Variants in TUFT1 observed in about 807,000 individuals in gnomAD.
TUFT1 encodes the protein tuftelin 1.
TUFT1 carries 43 observed loss-of-function variants against 57.8 expected under a neutral mutation model. The ratio of observed to expected loss-of-function variants is 0.74; its 90% confidence interval spans 0.58 to 0.96. The LOEUF (loss-of-function observed/expected upper bound fraction) is 0.96. Among genes scored for constraint, TUFT1 ranks in the 40% least tolerant of loss-of-function variants. TUFT1 has a pLI of 0.00. For missense variants in TUFT1, 459 were observed against 489.0 expected, an observed-to-expected ratio of 0.94 and a Z score of 0.58; for synonymous variants, 166 against 176.7, an observed-to-expected ratio of 0.94 and a Z score of 0.48.
At chr1:151,564,411 G>T in intron 4 of TUFT1, 114 bp from the exon 5 acceptor site, 1 of 742,250 alleles carries the variant, frequency 1.3e-6, no homozygotes, top group Non-Finnish European at 2.3e-6. Flanking sequence ...GCAGCCAGTC[G>T]TTAGGACAGT....
chr1:151,566,260 C>A lies in TUFT1; in HGVS notation c.480+32C>A, dbSNP rs562482322. ...AACAGAGGACACCATGGTGGCTCCGCTTAGCCAGGGGCAGGATTGCCTCCT... is the reference window on the plus strand; with the variant it reads ...AACAGAGGACACCATGGTGGCTCCGATTAGCCAGGGGCAGGATTGCCTCCT... On this transcript the variant is annotated intron_variant, in intron 6 of 12. Coordinates refer to ENST00000368849, the MANE Select transcript of TUFT1 (RefSeq NM_020127.3). 9 of 1,590,564 alleles carry A rather than the reference C, an allele frequency of 5.7e-6. No individual in the cohort carries two copies. The African/African-American group carries it at 9.4e-5, about 17-fold the overall frequency.
intron 3 of TUFT1, among the ~76,000 whole-genome samples, chr1:151,562,950 A>G (rs574939921): frequency 6.6e-6 from 1 of 152,298 alleles, no homozygotes; most frequent in African/African-American, 2.4e-5. Flanking sequence ...TCCACTGACC[A>G]TGTTTTGCTG....
chr1:151,580,425 T>C (rs545322062), intron 11 of TUFT1, among the ~76,000 whole-genome samples: 6 of 151,428 alleles, frequency 4.0e-5, no homozygotes, highest in African/African-American at 1.5e-4. Flanking sequence ...CTTAGGGAGG[T>C]TGAGGCGGTA....
chr1:151,553,249 G>A (rs1346572979), intron 1 of TUFT1, among the ~76,000 whole-genome samples: 6 of 152,008 alleles, frequency 3.9e-5, no homozygotes, highest in Admixed American at 3.9e-4. Flanking sequence ...CTGACACCAC[G>A]CCTGGCTAAT....
rs754198910 is a variant in TUFT1, at chr1:151,548,338, C to T, written c.60+7912C>T. 1.1e-3 allele frequency among the ~76,000 whole-genome samples: 154 copies of T among 135,602 alleles called. 1 individual carries two copies. Among genetic ancestry groups the T allele is most frequent in the Non-Finnish European group, 2.0e-3 (131 of 65,426 alleles). The allele number at this position is 135,602 out of a possible 152,430, so 89.0% of individuals were successfully genotyped here. A position where few individuals can be genotyped will look rare whatever the true frequency, so the allele number is the denominator to read the frequency against. On this transcript the variant is annotated intron_variant, in intron 1 of 12. Coordinates refer to ENST00000368849, the MANE Select transcript of TUFT1 (RefSeq NM_020127.3). ...TTTTTTTTTGAGACGGAGTCTTGCT[C>T]TGTCACCAGGCTGGAGTACAGTGGC...
chr1:151,581,694 T>C lies in TUFT1; in HGVS notation c.1160T>C (p.Val387Ala). The C allele has an allele frequency of 6.2e-7, 1 of 1,614,090 alleles. No homozygotes were observed. Among genetic ancestry groups the C allele is most frequent in the Non-Finnish European group, 8.5e-7 (1 of 1,180,022 alleles). ...PSPKPMPVIR[V>A]VET ...CCGAAGCCCATGCCTGTCATCCGAG[T>C]GGTGGAAACCTGAGCTGCCTGGAGA... is the stretch of plus-strand genomic sequence containing the variant. The change falls in exon 13 of 13, where the codon GTG (valine) becomes GCG (alanine). Residue 387 changes from valine to alanine, a missense_variant. By Grantham distance (64) the Val-to-Ala change is moderately conservative. Coordinates refer to ENST00000368849, the MANE Select transcript of TUFT1 (RefSeq NM_020127.3).
chr1:151,568,917 T>G (rs953046966), intron 6 of TUFT1, among the ~76,000 whole-genome samples: 1 of 152,172 alleles, frequency 6.6e-6, no homozygotes, highest in East Asian at 1.9e-4. Flanking sequence ...GGACTTCACT[T>G]CTTCATTATC....
chr1:151,541,266 G>A (rs1665157238), intron 1 of TUFT1, among the ~76,000 whole-genome samples: 1 of 152,148 alleles, frequency 6.6e-6, no homozygotes, highest in South Asian at 2.1e-4. Context: ...GAAAGGGGGC[G>A]TTCTCCAGTG....
At chr1:151,559,397 G>A (rs980863159) in intron 1 of TUFT1, among the ~76,000 whole-genome samples, 6 of 152,210 alleles carry the variant, frequency 3.9e-5, no homozygotes, top group Admixed American at 2.0e-4. Context: ...ATGCGGGGTA[G>A]CATCTTGGAA....
intron 9 of TUFT1, among the ~76,000 whole-genome samples, chr1:151,576,271 A>G (rs1666460144): frequency 6.6e-6 from 1 of 152,168 alleles, no homozygotes; most frequent in Admixed American, 6.5e-5. Context: ...CCCAAACCCC[A>G]GGATACTCTC....
In TUFT1 at chr1:151,571,151, A is replaced by G. The variant is rs1199444887; in HGVS notation, c.594+1381A>G. ...AGGCATGCTAGGAGCTGGTAAAAAG[A>G]GAAAGGCCAGCTTGAACTCTTCATT... On this transcript the variant is annotated intron_variant, in intron 7 of 12. Transcript: ENST00000368849. Among the ~76,000 whole-genome samples the G allele has an allele frequency of 2.6e-5, 4 of 152,368 alleles. No homozygotes were observed. The East Asian group carries it at 7.7e-4, about 29-fold the overall frequency.
In TUFT1 at chr1:151,579,620, G is replaced by C. The variant is rs1227186614; in HGVS notation, c.925-29G>C. The C allele has an allele frequency of 2.5e-6, 4 of 1,612,164 alleles. No homozygotes were observed. The Admixed American group carries it at 6.7e-5, about 27-fold the overall frequency. On this transcript the variant is annotated intron_variant, in intron 10 of 12. Transcript: ENST00000368849. ...AGTGTGTAATGAGTCATTGCAAAAT[G>C]AGCTCCAGTGTCTCCCACACCTTTG...
intron 1 of TUFT1, among the ~76,000 whole-genome samples, chr1:151,544,847 ATT>A (rs1454178385): frequency 3.9e-5 from 6 of 152,120 alleles, no homozygotes; most frequent in Non-Finnish European, 8.8e-5. Context: ...GCTTACAGTG[ATT>A]TTAATTGATT....
At chr1:151,565,669 G>C (rs889959668) in intron 5 of TUFT1, among the ~76,000 whole-genome samples, 3 of 152,158 alleles carry the variant, frequency 2.0e-5, no homozygotes, top group African/African-American at 7.2e-5. Flanking sequence ...TCAGGCTTTG[G>C]GTCAGAAATA....
Position 151,580,960 on chromosome 1 carries a change from C to T in TUFT1, c.1027C>T (p.Arg343Trp), listed in dbSNP as rs777794547. The T allele has an allele frequency of 1.9e-5, 30 of 1,613,960 alleles. No individual in the cohort carries two copies. The highest frequency in any genetic ancestry group is 1.8e-5 in the Non-Finnish European group (21 of 1,180,026). ...LEAENLEMHD[R>W]MEHLIEKQIS... The stretch of plus-strand genomic sequence containing the variant: ...GTTACAGAATTTAGAGATGCATGAC[C>T]GGATGGAACACCTGATAGAAAAACA... The change falls in exon 12 of 13, where the codon CGG becomes TGG. Residue 343 changes from arginine to tryptophan, a missense_variant. Physicochemically the swap from Arg to Trp is moderately radical, Grantham distance 101. Coordinates refer to ENST00000368849, the MANE Select transcript of TUFT1 (RefSeq NM_020127.3).
intron 1 of TUFT1, among the ~76,000 whole-genome samples, chr1:151,547,445 A>G (rs1247923824): frequency 6.6e-6 from 1 of 152,102 alleles, no homozygotes; most frequent in East Asian, 1.9e-4. Flanking sequence ...CTTGTGAAAT[A>G]CCTTTGTTTT....
intron 1 of TUFT1, among the ~76,000 whole-genome samples, chr1:151,555,279 A>T (rs1322491672): frequency 6.6e-6 from 1 of 150,586 alleles, no homozygotes; most frequent in Non-Finnish European, 1.5e-5. Context: ...TGGTGAGCCA[A>T]GATTGTGCCA....
rs145044030 is a variant in TUFT1 at position 151,581,037 on chromosome 1, G to C, written c.1104G>C (p.Pro368=). ...AGGCCCGGGCCAAGACAGAGAACCC[G>C]GGCAGGTGAGTGAGCGTGTGTAGAT... The part of the protein sequence containing the change: ...STQARAKTEN[P]GSIRISKPPS... Residue 368 remains proline (P), a synonymous_variant, in exon 12 of 13, where the codon CCG becomes CCC. Transcript: ENST00000368849. The C allele has an allele frequency of 1.2e-6, 2 of 1,613,942 alleles. No individual in the cohort carries two copies. Among genetic ancestry groups the C allele is most frequent in the African/African-American group, 2.7e-5 (2 of 74,920 alleles).
intron 1 of TUFT1, among the ~76,000 whole-genome samples, chr1:151,548,358 A>C (rs1334365686): frequency 1.4e-5 from 2 of 143,744 alleles, no homozygotes; most frequent in Non-Finnish European, 3.0e-5. Flanking sequence ...GCTGGAGTAC[A>C]GTGGCCCAAT....
Sources: allele counts gnomAD v4.1 joint callset (sites outside exome capture counted in the v4.1 genomes callset), GRCh38; gene constraint gnomAD v4.1.1; transcripts MANE v1.5; gene names NCBI Gene and HGNC (gene_info 2026-07-23, HGNC 2026-07-21).